LCMT1: variants seen among roughly 807,000 people sequenced by gnomAD.
LCMT1 encodes leucine carboxyl methyltransferase 1.
In LCMT1, 32 loss-of-function variants were observed where a neutral mutation model predicts 47.7. The ratio of observed to expected loss-of-function variants is 0.67; its 90% CI spans 0.51 to 0.90. The LOEUF (loss-of-function observed/expected upper bound fraction) is 0.90. Ranked by LOEUF, LCMT1 falls within the 40% of genes least tolerant of loss-of-function variation. The probability of loss-of-function intolerance (pLI) is 0.00; values close to 1 mark genes in which losing one functional copy is unlikely to be tolerated. For missense variants in LCMT1, 375 were observed against 415.2 expected (o/e 0.90, Z 0.84); for synonymous variants, 152 against 149.7 (o/e 1.02, Z -0.11).
intron 1 of LCMT1, among the ~76,000 whole-genome samples, 190 bp downstream of exon 1, chr16:25,112,186 G>T (rs1457931669): frequency 1.3e-5 from 2 of 152,224 alleles, no homozygotes; most frequent in Non-Finnish European, 2.9e-5. Flanking sequence ...CTGAGCTTTT[G>T]CTGTGAGCCA....
At chr16:25,153,685 G>T (rs796699028) in intron 5 of LCMT1, among the ~76,000 whole-genome samples, 10 of 152,302 alleles carry the variant, frequency 6.6e-5, no homozygotes, top group African/African-American at 2.4e-4. Flanking sequence ...AGGTGTGGTG[G>T]CTCACGCCTG....
chr16:25,141,737 A>G (rs921199576), intron 4 of LCMT1: 1 of 152,228 alleles, frequency 6.6e-6, no homozygotes, highest in Non-Finnish European at 1.5e-5. Flanking sequence ...ATTACTGTGC[A>G]TACCCGCCCT....
chr16:25,171,113 A>T (rs1008885098), intron 9 of LCMT1, among the ~76,000 whole-genome samples: 5 of 151,828 alleles, frequency 3.3e-5, no homozygotes, highest in African/African-American at 7.3e-5. Flanking sequence ...GTGCACATTT[A>T]TAATGCCAAC....
In LCMT1 at chr16:25,170,809, T is replaced by C. The variant is rs1961741377; in HGVS notation, c.884+4T>C. On this transcript the variant is annotated splice_donor_region_variant and intron_variant, in intron 9 of 10. Transcript: ENST00000399069. ...TACCTCGAGCTGAAGTGAGCAGGTATGGGGTTGGTGAGCGTCAGCTTGATG... is the reference window on the plus strand; with the variant it reads ...TACCTCGAGCTGAAGTGAGCAGGTACGGGGTTGGTGAGCGTCAGCTTGATG... 6.3e-7 allele frequency: 1 copy of C among 1,596,498 alleles called. No homozygotes were observed. The highest frequency in any genetic ancestry group is 8.6e-7 in the Non-Finnish European group (1 of 1,167,248).
chr16:25,134,330 T>C (rs1292331288), intron 3 of LCMT1, among the ~76,000 whole-genome samples: 2 of 152,236 alleles, frequency 1.3e-5, no homozygotes, highest in Non-Finnish European at 2.9e-5. Flanking sequence ...TCTCAAGATA[T>C]AATCACTAAC....
chr16:25,167,512 A>ATGTTGTCCAGGCTGGTCTC (rs1227074411), intron 7 of LCMT1, among the ~76,000 whole-genome samples: 1 of 151,724 alleles, frequency 6.6e-6, no homozygotes, highest in Non-Finnish European at 1.5e-5. Flanking sequence ...GGGTCTTGCT[A>ATGTTGTCCAGGCTGGTCTC]TGTTGTCCAG....
intron 1 of LCMT1, among the ~76,000 whole-genome samples, chr16:25,125,096 A>C (rs1187848131): frequency 6.6e-6 from 1 of 152,214 alleles, no homozygotes; most frequent in African/African-American, 2.4e-5. Flanking sequence ...ATCAGGATAT[A>C]CAAATAGAAG....
intron 4 of LCMT1, among the ~76,000 whole-genome samples, chr16:25,149,698 G>T (rs1403579354): frequency 1.3e-5 from 2 of 152,310 alleles, no homozygotes; most frequent in East Asian, 3.9e-4. Context: ...TGGATTGCTT[G>T]AGCCCAGGAG....
At chr16:25,123,521 A>G (rs1960063064) in intron 1 of LCMT1, among the ~76,000 whole-genome samples, 1 of 150,466 alleles carries the variant, frequency 6.6e-6, no homozygotes, top group Admixed American at 6.6e-5. Context: ...CACCGCACTC[A>G]GCCTTATATG....
chr16:25,136,791 A>G (rs1960518429), intron 3 of LCMT1, among the ~76,000 whole-genome samples: 1 of 152,014 alleles, frequency 6.6e-6, no homozygotes, highest in Non-Finnish European at 1.5e-5. Context: ...CACCACCCTC[A>G]GCCTCCTAAA....
chr16:25,173,900 G>A (rs1056695915), intron 9 of LCMT1, among the ~76,000 whole-genome samples: 1 of 151,900 alleles, frequency 6.6e-6, no homozygotes, highest in Non-Finnish European at 1.5e-5. Flanking sequence ...TTCTCTGTGT[G>A]TGTATATAGT....
chr16:25,172,141 A>T (rs1489497039), intron 9 of LCMT1, among the ~76,000 whole-genome samples: 2 of 152,036 alleles, frequency 1.3e-5, no homozygotes, highest in African/African-American at 4.8e-5. Context: ...CCCTGTCTCT[A>T]CTAAAAATAC....
intron 3 of LCMT1, among the ~76,000 whole-genome samples, chr16:25,137,246 C>G (rs1369112699): frequency 6.6e-6 from 1 of 152,072 alleles, no homozygotes; most frequent in Non-Finnish European, 1.5e-5. Flanking sequence ...GTTGGCCAGG[C>G]TGGTCTCGAA....
intron 7 of LCMT1, among the ~76,000 whole-genome samples, chr16:25,167,519 C>CCGGA (rs1325051820): frequency 1.3e-5 from 2 of 151,894 alleles, no homozygotes; most frequent in Non-Finnish European, 2.9e-5. Context: ...GCTATGTTGT[C>CCGGA]CAGGCTGGTC....
chr16:25,132,876 G>C (rs1159005127), intron 3 of LCMT1, among the ~76,000 whole-genome samples: 1 of 113,218 alleles, frequency 8.8e-6, no homozygotes, highest in African/African-American at 3.8e-5. Context: ...TTTTTTTTTT[G>C]AGCCAGAGTC....
chr16:25,159,955 A>G (rs1961369874), intron 5 of LCMT1, among the ~76,000 whole-genome samples: 1 of 106,068 alleles, frequency 9.4e-6, no homozygotes, highest in Non-Finnish European at 1.8e-5. Flanking sequence ...CTTTAAAAAA[A>G]AATTTGTTAA....
intron 7 of LCMT1, among the ~76,000 whole-genome samples, chr16:25,168,844 C>CT (rs1215072274): frequency 6.6e-6 from 1 of 152,086 alleles, no homozygotes; most frequent in African/African-American, 2.4e-5. Context: ...GGGAGTGTGT[C>CT]TGTAGGATAG....
chr16:25,139,077 T>C (rs1468464649), intron 3 of LCMT1, among the ~76,000 whole-genome samples: 1 of 152,108 alleles, frequency 6.6e-6, no homozygotes, highest in Non-Finnish European at 1.5e-5. Flanking sequence ...GTAGCTACTT[T>C]TTGTATTTTT....
chr16:25,157,198 T>C (rs1331575655), intron 5 of LCMT1, among the ~76,000 whole-genome samples: 1 of 152,050 alleles, frequency 6.6e-6, no homozygotes, highest in African/African-American at 2.4e-5. Flanking sequence ...TGTTACATTG[T>C]GTAAGTCTTC....
Sources: gnomAD v4.1 joint callset for allele counts (sites outside exome capture counted in the v4.1 genomes callset) on GRCh38, gnomAD v4.1.1 for gene constraint, MANE v1.5 for transcripts, NCBI Gene and HGNC (gene_info 2026-07-23, HGNC 2026-07-21) for gene names.